Variants in DLGAP4 observed in about 807,000 individuals in gnomAD.
DLGAP4 encodes the protein DLG associated protein 4.
A neutral mutation model predicts 86.9 loss-of-function variants in DLGAP4; 18 were observed. The ratio of observed to expected loss-of-function variants is 0.21; its 90% CI spans 0.14 to 0.31. The LOEUF (loss-of-function observed/expected upper bound fraction) is 0.31. Ranked by LOEUF, DLGAP4 falls within the 10% of genes least tolerant of loss-of-function variation. DLGAP4 has a pLI of 1.00. For missense variants in DLGAP4, 1,085 were observed against 1,362.6 expected, an observed-to-expected ratio of 0.80 and a Z score of 3.21; for synonymous variants, 548 against 574.3, an observed-to-expected ratio of 0.95 and a Z score of 0.65.
chr20:36,414,498 G>T (rs1043815357), intron 2 of DLGAP4, among the ~76,000 whole-genome samples: 1 of 152,222 alleles, frequency 6.6e-6, no homozygotes, highest in Non-Finnish European at 1.5e-5. Context: ...ACTTCTCCAA[G>T]CATGGCCAGG....
rs764170673 is a variant in DLGAP4 at position 36,436,246 on chromosome 20, C to T, written c.1137C>T (p.Asp379=). The part of the protein sequence containing the change: ...YIKAMGDEDS[D]ESGGSPKPSP... Reference sequence around the variant, plus strand: ...AGGCCATGGGCGACGAGGACAGCGACGAGTCCGGCGGCAGCCCCAAGCCCT... The same window carrying T: ...AGGCCATGGGCGACGAGGACAGCGATGAGTCCGGCGGCAGCCCCAAGCCCT... The change falls in exon 4 of 13, where the codon GAC becomes GAT. Residue 379 remains aspartate (D), a synonymous_variant. Transcript: ENST00000339266. 4.4e-6 allele frequency: 7 copies of T among 1,605,682 alleles called. No individual in the cohort carries two copies. In the South Asian group the frequency reaches 7.7e-5, roughly 18 times the overall value.
At chr20:36,440,118 G>A (rs2033406425) in intron 5 of DLGAP4, among the ~76,000 whole-genome samples, 1 of 152,176 alleles carries the variant, frequency 6.6e-6, no homozygotes, top group Admixed American at 6.5e-5. Context: ...GGCTGCCAGC[G>A]GGGCGCCTGT....
chr20:36,354,000 C>T (rs533206189), intron 1 of DLGAP4, among the ~76,000 whole-genome samples: 7 of 152,336 alleles, frequency 4.6e-5, no homozygotes, highest in African/African-American at 1.2e-4. Flanking sequence ...CCTGCTGTTT[C>T]CCCAGCTGCC....
intron 7 of DLGAP4, among the ~76,000 whole-genome samples, chr20:36,451,380 G>A (rs547875191): frequency 3.3e-5 from 5 of 152,160 alleles, no homozygotes; most frequent in Non-Finnish European, 5.9e-5. Context: ...ACAGAGTCTC[G>A]CTCTCTGTCG....
In DLGAP4 at chr20:36,449,330, A is replaced by G. The variant is rs760561719; in HGVS notation, c.1648+2393A>G. On this transcript the variant is annotated intron_variant, in intron 7 of 12. Coordinates refer to ENST00000339266, the MANE Select transcript of DLGAP4 (RefSeq NM_001365621.2). Reference sequence around the variant, plus strand: ...ATCCTCTGAAGACAACTCCAGCCCTATTTTCCCTCTTGGTGACCACTTAAT... The same window carrying G: ...ATCCTCTGAAGACAACTCCAGCCCTGTTTTCCCTCTTGGTGACCACTTAAT... Among the ~76,000 whole-genome samples the G allele has an allele frequency of 8.4e-4, 127 of 152,060 alleles. 1 individual carries two copies. Among genetic ancestry groups the G allele is most frequent in the Non-Finnish European group, 3.2e-4 (22 of 68,014 alleles).
At chr20:36,469,550 C>T (rs1033055944) in intron 7 of DLGAP4, among the ~76,000 whole-genome samples, 6 of 151,872 alleles carry the variant, frequency 4.0e-5, no homozygotes, top group Non-Finnish European at 8.8e-5. Context: ...GTCAGGAGTT[C>T]GAGACCAGCC....
At chr20:36,526,730 T>C in intron 12 of DLGAP4, 83 bp from the exon 13 acceptor site, 1 of 1,325,828 alleles carries the variant, frequency 7.5e-7, no homozygotes, top group Non-Finnish European at 1.0e-6. Flanking sequence ...AGACTCCAGC[T>C]GCCGGCATAT....
intron 1 of DLGAP4, among the ~76,000 whole-genome samples, chr20:36,311,502 T>G (rs1244567251): frequency 6.6e-6 from 1 of 152,170 alleles, no homozygotes; most frequent in Non-Finnish European, 1.5e-5. Context: ...AAAACCAGGC[T>G]TGGGGATCCC....
intron 1 of DLGAP4, among the ~76,000 whole-genome samples, chr20:36,337,494 G>A (rs1555892190): frequency 6.6e-6 from 1 of 152,190 alleles, no homozygotes; most frequent in African/African-American, 2.4e-5. Flanking sequence ...GCCACTCAGT[G>A]CTGAGCTGAG....
At chr20:36,439,367 G>C (rs748657358) in intron 4 of DLGAP4, among the ~76,000 whole-genome samples, 1 of 152,188 alleles carries the variant, frequency 6.6e-6, no homozygotes, top group Non-Finnish European at 1.5e-5. Context: ...ATGAGGACTG[G>C]GGGATGCCCA....
At chr20:36,370,649 C>T (rs61048661) in intron 2 of DLGAP4, among the ~76,000 whole-genome samples, 1 of 151,362 alleles carries the variant, frequency 6.6e-6, no homozygotes, top group Admixed American at 6.6e-5. Context: ...AGACCCCCTT[C>T]TCCAAAAAAA....
Position 36,519,094 on chromosome 20 carries a change from G to A in DLGAP4, c.2513-5156G>A, listed in dbSNP as rs138180673. Among the ~76,000 whole-genome samples the A allele has an allele frequency of 5.9e-3, 891 of 151,310 alleles. 9 individuals are homozygous for A. Among genetic ancestry groups the A allele is most frequent in the African/African-American group, 0.019 (782 of 40,996 alleles). On this transcript the variant is annotated intron_variant, in intron 10 of 12. Transcript: ENST00000339266. ...ATCGTACCACTGCACACCAGCCCGG[G>A]CAACAGTGCGAGACTCCATCTCAAA...
At chr20:36,407,094 C>G (rs1411883027) in intron 2 of DLGAP4, among the ~76,000 whole-genome samples, 1 of 152,078 alleles carries the variant, frequency 6.6e-6, no homozygotes, top group Non-Finnish European at 1.5e-5. Context: ...TAATAATACC[C>G]TTTGGGAGGT....
chr20:36,526,863 G>A lies in DLGAP4; in HGVS notation c.2811G>A (p.Lys937=). ...TCCCAAAGAAGCCAGCCAAATCCAA[G>A]CCGGCAGTGAGCCGCGACAAGGCCT... ...PPVPKKPAKS[K]PAVSRDKASD... Residue 937 remains lysine (K), a synonymous_variant, in exon 13 of 13, where the codon AAG becomes AAA. Transcript: ENST00000339266. 1 of 1,611,906 alleles carries A rather than the reference G, an allele frequency of 6.2e-7. No homozygotes were observed. The highest frequency in any genetic ancestry group is 2.2e-5 in the East Asian group (1 of 44,812).
chr20:36,312,460 G>A (rs2147332643), intron 1 of DLGAP4, among the ~76,000 whole-genome samples: 1 of 152,318 alleles, frequency 6.6e-6, no homozygotes, highest in East Asian at 1.9e-4. Flanking sequence ...GAGAAGGGCT[G>A]CGCAGGTCAC....
intron 7 of DLGAP4, among the ~76,000 whole-genome samples, chr20:36,455,135 A>G (rs1459391040): frequency 1.3e-5 from 2 of 151,572 alleles, no homozygotes; most frequent in African/African-American, 4.8e-5. Flanking sequence ...AAAGGAGAAC[A>G]GCCTCCCTCC....
intron 2 of DLGAP4, among the ~76,000 whole-genome samples, chr20:36,421,720 T>C (rs1256556476): frequency 6.6e-6 from 1 of 152,044 alleles, no homozygotes; most frequent in Non-Finnish European, 1.5e-5. Context: ...GAGGATGATG[T>C]TGTCATGAGT....
chr20:36,394,048 AAGGCCTTTGCAC>A (rs2031868265), intron 2 of DLGAP4, among the ~76,000 whole-genome samples: 1 of 152,060 alleles, frequency 6.6e-6, no homozygotes, highest in Non-Finnish European at 1.5e-5. Flanking sequence ...TTCCAGCCTC[AAGGCCTTTGCAC>A]ATGCTGTCCC....
intron 1 of DLGAP4, among the ~76,000 whole-genome samples, chr20:36,331,983 G>A (rs1170443591): frequency 1.3e-5 from 2 of 151,932 alleles, no homozygotes; most frequent in Non-Finnish European, 2.9e-5. Flanking sequence ...TCGGGGGCGG[G>A]TAGGGGGAGA....
Sources: allele counts gnomAD v4.1 joint callset (sites outside exome capture counted in the v4.1 genomes callset), GRCh38; gene constraint gnomAD v4.1.1; transcripts MANE v1.5; gene names NCBI Gene and HGNC (gene_info 2026-07-23, HGNC 2026-07-21).